MAGI1: variants seen among roughly 807,000 people sequenced by gnomAD.
MAGI1 encodes membrane-associated guanylate kinase, WW and PDZ domain-containing protein 1.
MAGI1 carries 58 observed loss-of-function variants against 139.9 expected under a neutral mutation model. The ratio of observed to expected loss-of-function variants is 0.41; its 90% CI spans 0.34 to 0.52. MAGI1 has a LOEUF of 0.52. MAGI1 is among the 20% of genes least tolerant of loss of function. MAGI1 has a pLI of 0.12. For missense variants in MAGI1, 1,874 were observed against 1,901.6 expected, an observed-to-expected ratio of 0.99 and a Z score of 0.27; for synonymous variants, 812 against 737.9, an observed-to-expected ratio of 1.10 and a Z score of -1.63.
intron 1 of MAGI1, among the ~76,000 whole-genome samples, chr3:65,759,943 T>C (rs1213758351): frequency 6.6e-6 from 1 of 152,188 alleles, no homozygotes; most frequent in Non-Finnish European, 1.5e-5. Flanking sequence ...GCCCTGACTA[T>C]TAGAAAGCTA....
chr3:65,521,108 G>C (rs1005548511), intron 2 of MAGI1, among the ~76,000 whole-genome samples: 6 of 152,278 alleles, frequency 3.9e-5, no homozygotes, highest in Non-Finnish European at 7.4e-5. Flanking sequence ...ATGTACCACA[G>C]ACAGTGGAAG....
At chr3:65,574,613 A>G (rs559352112) in intron 2 of MAGI1, among the ~76,000 whole-genome samples, 1 of 152,136 alleles carries the variant, frequency 6.6e-6, no homozygotes, top group Non-Finnish European at 1.5e-5. Flanking sequence ...AAGTGATTCT[A>G]AAATTTACAT....
chr3:65,660,229 T>A (rs1022728843), intron 1 of MAGI1, among the ~76,000 whole-genome samples: 1 of 152,244 alleles, frequency 6.6e-6, no homozygotes, highest in Non-Finnish European at 1.5e-5. Flanking sequence ...ATTCACTAAG[T>A]GAGTGTCTCA....
At chr3:65,968,856 T>C (rs904571516) in intron 1 of MAGI1, among the ~76,000 whole-genome samples, 1 of 152,200 alleles carries the variant, frequency 6.6e-6, no homozygotes, top group Non-Finnish European at 1.5e-5. Context: ...ATGGTTTGTT[T>C]GAAATTTAGT....
At chr3:65,596,850 T>C (rs2082230461) in intron 2 of MAGI1, among the ~76,000 whole-genome samples, 1 of 152,154 alleles carries the variant, frequency 6.6e-6, no homozygotes. Flanking sequence ...CAGACATACA[T>C]CTCTTACCTA....
At chr3:65,862,452 C>T (rs1291143318) in intron 1 of MAGI1, among the ~76,000 whole-genome samples, 2 of 152,212 alleles carry the variant, frequency 1.3e-5, no homozygotes, top group Admixed American at 6.5e-5. Context: ...TCATTCTCAA[C>T]ACCAGCATCA....
chr3:65,689,172 G>A (rs2088343027), intron 1 of MAGI1, among the ~76,000 whole-genome samples: 1 of 152,160 alleles, frequency 6.6e-6, no homozygotes, highest in Non-Finnish European at 1.5e-5. Context: ...AAAGCTCTAG[G>A]AGCACTTCCC....
Position 65,470,485 on chromosome 3 carries a change from C to T in MAGI1, c.758-1G>A, listed in dbSNP as rs777753211. On this transcript the variant is annotated splice_acceptor_variant, in intron 4 of 22. Coordinates refer to ENST00000402939, the MANE Select transcript of MAGI1 (RefSeq NM_001033057.2). LOFTEE classifies it high-confidence loss of function. Reference sequence around the variant, plus strand: ...TGCTCCTCTTGTTCACCAGAATCGGCTGCTTAATCATGTGAAGAGGTGAGA... The same window carrying T: ...TGCTCCTCTTGTTCACCAGAATCGGTTGCTTAATCATGTGAAGAGGTGAGA... 6.2e-7 allele frequency: 1 copy of T among 1,605,508 alleles called. No individual in the cohort carries two copies. The highest frequency in any genetic ancestry group is 2.2e-5 in the East Asian group (1 of 44,602).
chr3:65,894,812 C>G (rs569249735), intron 1 of MAGI1, among the ~76,000 whole-genome samples: 1 of 152,358 alleles, frequency 6.6e-6, no homozygotes, highest in Admixed American at 6.5e-5. Flanking sequence ...AAAGGCCAAT[C>G]CCAGCTATGA....
chr3:65,483,513 C>T (rs1951422558), intron 3 of MAGI1, among the ~76,000 whole-genome samples: 1 of 152,194 alleles, frequency 6.6e-6, no homozygotes, highest in South Asian at 2.1e-4. Context: ...GTATGCGCGA[C>T]TTAACAGTAT....
intron 1 of MAGI1, among the ~76,000 whole-genome samples, chr3:65,691,850 C>T (rs978019623): frequency 2.6e-5 from 4 of 152,132 alleles, no homozygotes; most frequent in Non-Finnish European, 5.9e-5. Flanking sequence ...GGACTGAAAT[C>T]GTTCCAGGAA....
intron 1 of MAGI1, among the ~76,000 whole-genome samples, chr3:65,632,660 C>T (rs1463893546): frequency 6.6e-6 from 1 of 152,168 alleles, no homozygotes; most frequent in African/African-American, 2.4e-5. Flanking sequence ...TGAGAGTGCA[C>T]ATGAACTCTA....
chr3:66,008,814 C>CA (rs34931658), intron 1 of MAGI1: 68,896 of 152,164 alleles, frequency 0.45, 16,842 homozygotes, highest in East Asian at 0.73. Flanking sequence ...TGAAGCTGGC[C>CA]GGGGGGCAGG....
At chr3:65,915,881 CTTTGA>C (rs983893889) in intron 1 of MAGI1, among the ~76,000 whole-genome samples, 46 of 151,608 alleles carry the variant, frequency 3.0e-4, no homozygotes, top group Non-Finnish European at 5.4e-4. Flanking sequence ...GTGAATCAAG[CTTTGA>C]TTTATGTTGA....
intron 1 of MAGI1, among the ~76,000 whole-genome samples, chr3:65,725,846 T>G (rs1323765291): frequency 6.6e-6 from 1 of 152,164 alleles, no homozygotes; most frequent in Non-Finnish European, 1.5e-5. Flanking sequence ...TGCTCCAACG[T>G]TAGAAAAGTC....
At chr3:65,818,557 G>C (rs2041752676) in intron 1 of MAGI1, among the ~76,000 whole-genome samples, 1 of 152,202 alleles carries the variant, frequency 6.6e-6, no homozygotes, top group African/African-American at 2.4e-5. Context: ...AGGGTAAGGA[G>C]TTGAGAGCAC....
At chr3:65,883,636 G>A (rs190946191) in intron 1 of MAGI1, among the ~76,000 whole-genome samples, 1 of 152,296 alleles carries the variant, frequency 6.6e-6, no homozygotes, top group Non-Finnish European at 1.5e-5. Flanking sequence ...AAAAAGAAGT[G>A]TTGCTTTAAA....
At chr3:65,453,410 G>A in intron 5 of MAGI1, 70 bp from the exon 6 acceptor site, 1 of 1,112,828 alleles carries the variant, frequency 9.0e-7, no homozygotes, top group Non-Finnish European at 1.3e-6. Flanking sequence ...CCCAATGACG[G>A]AATTACACAC....
At chr3:65,869,992 G>T (rs1180558645) in intron 1 of MAGI1, among the ~76,000 whole-genome samples, 3 of 152,124 alleles carry the variant, frequency 2.0e-5, no homozygotes, top group African/African-American at 7.2e-5. Context: ...TCTGTACCTG[G>T]CTTCATAGCT....
Sources: allele counts gnomAD v4.1 joint callset (sites outside exome capture counted in the v4.1 genomes callset), GRCh38; gene constraint gnomAD v4.1.1; transcripts MANE v1.5; gene names NCBI Gene and HGNC (gene_info 2026-07-23, HGNC 2026-07-21).